GALNT5: variants seen among roughly 807,000 people sequenced by gnomAD.
GALNT5 encodes the protein polypeptide N-acetylgalactosaminyltransferase 5.
GALNT5 carries 72 observed loss-of-function variants against 85.4 expected under a neutral mutation model. The ratio of observed to expected loss-of-function variants is 0.84; its 90% CI spans 0.70 to 1.03. GALNT5 has a LOEUF of 1.03. Among genes scored for constraint, GALNT5 ranks in the 50% least tolerant of loss-of-function variants. The pLI, the probability that GALNT5 is intolerant of heterozygous loss-of-function variation, is 0.00. For synonymous variants in GALNT5, 404 were observed against 397.0 expected (o/e 1.02, Z -0.21); for missense variants, 1,137 against 1,135.5 (o/e 1.00, Z -0.02).
At chr2:157,289,507 T>C (rs1683047968) in intron 3 of GALNT5, among the ~76,000 whole-genome samples, 1 of 152,194 alleles carries the variant, frequency 6.6e-6, no homozygotes, top group Admixed American at 6.5e-5. Context: ...CTATGTTATT[T>C]ATGTTTTAGA....
In GALNT5 at chr2:157,315,701, T is replaced by C. The variant is rs1008625904; in HGVS notation, c.*4353T>C. Among the ~76,000 whole-genome samples, 3 of 152,160 alleles carry C rather than the reference T, an allele frequency of 2.0e-5. No individual in the cohort carries two copies. The highest frequency in any genetic ancestry group is 2.0e-4 in the Admixed American group (3 of 15,284). Reference sequence around the variant, plus strand: ...ATTCTTTTTCATCTCCTGGACCAAATGTGAAAGAAAGAAGTGGACATGTGG... The same window carrying C: ...ATTCTTTTTCATCTCCTGGACCAAACGTGAAAGAAAGAAGTGGACATGTGG... On this transcript the variant is annotated 3_prime_UTR_variant, in exon 10 of 10. Coordinates refer to ENST00000259056, the MANE Select transcript of GALNT5 (RefSeq NM_014568.3).
At chr2:157,272,323 A>G (rs1682607248) in intron 1 of GALNT5, among the ~76,000 whole-genome samples, 1 of 152,180 alleles carries the variant, frequency 6.6e-6, no homozygotes, top group African/African-American at 2.4e-5. Flanking sequence ...GTTTTCTCCC[A>G]AAATTGTCCA....
At chr2:157,305,669 C>A in intron 7 of GALNT5, 80 bp from the exon 8 acceptor site, 1 of 792,934 alleles carries the variant, frequency 1.3e-6, no homozygotes, top group Non-Finnish European at 2.2e-6. Context: ...GTTTTATATT[C>A]TGTATTTTCT....
In GALNT5 at chr2:157,305,741, CT is replaced by C. The variant is rs35503672; in HGVS notation, c.2440-3del. ...TTTGTAATTCCTGTTTCGTATTTTGCTTTTTAGCTTATTAATGTGGCTTTGG... is the reference window on the plus strand; with the variant it reads ...TTTGTAATTCCTGTTTCGTATTTTGCTTTTAGCTTATTAATGTGGCTTTGG... On this transcript the variant is annotated splice_region_variant and splice_polypyrimidine_tract_variant and intron_variant, in intron 7 of 9. Coordinates refer to ENST00000259056, the MANE Select transcript of GALNT5 (RefSeq NM_014568.3). 1 of 1,545,544 alleles carries C rather than the reference CT, an allele frequency of 6.5e-7. No individual in the cohort carries two copies.
chr2:157,283,960 C>G (rs1044238320), intron 1 of GALNT5, among the ~76,000 whole-genome samples: 4 of 152,194 alleles, frequency 2.6e-5, no homozygotes, highest in Non-Finnish European at 4.4e-5. Context: ...GTCTAACTAC[C>G]TGTAAACCCT....
intron 1 of GALNT5, among the ~76,000 whole-genome samples, chr2:157,268,475 C>T (rs1270979396): frequency 6.6e-6 from 1 of 152,152 alleles, no homozygotes; most frequent in Non-Finnish European, 1.5e-5. Context: ...CAGCATGAAG[C>T]TCACAAAATA....
intron 1 of GALNT5, among the ~76,000 whole-genome samples, chr2:157,284,038 A>G (rs1682912462): frequency 6.6e-6 from 1 of 152,214 alleles, no homozygotes. Context: ...GTCCTTTTAT[A>G]ACAACCACGG....
chr2:157,297,751 T>C lies in GALNT5; in HGVS notation c.1997+1238T>C, dbSNP rs534403456. Among the ~76,000 whole-genome samples the C allele has an allele frequency of 3.3e-5, 5 of 152,312 alleles. No homozygotes were observed. The South Asian group carries it at 1.0e-3, about 32-fold the overall frequency. On this transcript the variant is annotated intron_variant, in intron 5 of 9. Transcript: ENST00000259056. ...TCCCCCTTGAGATCACTGTATACCC[T>C]AAGCACAAAGCAGGCTCTCCACAGA...
chr2:157,298,555 T>C (rs767337014), intron 5 of GALNT5, among the ~76,000 whole-genome samples: 1 of 152,194 alleles, frequency 6.6e-6, no homozygotes, highest in Non-Finnish European at 1.5e-5. Flanking sequence ...AAGGAGTACT[T>C]GAAACCCAGA....
intron 1 of GALNT5, among the ~76,000 whole-genome samples, chr2:157,277,992 CAGG>C (rs1558894244): frequency 6.6e-6 from 1 of 152,150 alleles, no homozygotes; most frequent in Non-Finnish European, 1.5e-5. Context: ...GTGCTTCCTT[CAGG>C]AGCTCTTGTA....
intron 1 of GALNT5, among the ~76,000 whole-genome samples, chr2:157,268,873 G>A (rs567205091): frequency 6.6e-6 from 1 of 152,180 alleles, no homozygotes; most frequent in South Asian, 2.1e-4. Flanking sequence ...ATAATAAATA[G>A]GCATATAGAA....
chr2:157,280,927 T>C (rs372432027), intron 1 of GALNT5, among the ~76,000 whole-genome samples: 80 of 152,294 alleles, frequency 5.3e-4, no homozygotes, highest in African/African-American at 1.9e-3. Flanking sequence ...TCTTCTGCCA[T>C]GGGTAAAAGC....
At chr2:157,279,149 C>A (rs1682800795) in intron 1 of GALNT5, among the ~76,000 whole-genome samples, 1 of 152,212 alleles carries the variant, frequency 6.6e-6, no homozygotes, top group African/African-American at 2.4e-5. Flanking sequence ...CCAGTGGAGG[C>A]TGCAGAACAG....
At position 157,258,941 on chromosome 2, in the gene GALNT5, C is replaced by A. The variant is rs530452745; in HGVS notation, c.859C>A (p.Arg287Ser). 3 of 1,532,096 alleles carry A rather than the reference C, an allele frequency of 2.0e-6. No homozygotes were observed. The highest frequency in any genetic ancestry group is 1.3e-5 in the South Asian group (1 of 75,468). 94.9% of individuals were successfully genotyped at this position (1,532,096 alleles called of 1,614,324 possible). A position where few individuals can be genotyped will look rare whatever the true frequency, so the allele number is the denominator to read the frequency against. ...PFPKFTVNSN[R>S]LRKQSINETP... is the part of the protein sequence containing the mutation. ...TCCTAAGTTCACTGTCAATTCAAATCGCTTAAGGAAGCAATCTATTAATGA... is the reference window on the plus strand; with the variant it reads ...TCCTAAGTTCACTGTCAATTCAAATAGCTTAAGGAAGCAATCTATTAATGA... The change falls in exon 1 of 10, where the codon CGC becomes AGC. Residue 287 changes from arginine to serine, a missense_variant. Transcript: ENST00000259056.
intron 1 of GALNT5, among the ~76,000 whole-genome samples, chr2:157,276,651 CT>C (rs1682733545): frequency 6.6e-6 from 1 of 152,150 alleles, no homozygotes; most frequent in Non-Finnish European, 1.5e-5. Flanking sequence ...GTTTGTATTT[CT>C]GTGGGATCAG....
Position 157,284,052 on chromosome 2 carries a change from C to T in GALNT5, c.1455-230C>T, listed in dbSNP as rs573894303. 1.3e-3 allele frequency among the ~76,000 whole-genome samples: 199 copies of T among 152,188 alleles called. 1 individual carries two copies. Among genetic ancestry groups the T allele is most frequent in the South Asian group, 2.5e-3 (12 of 4,816 alleles). On this transcript the variant is annotated intron_variant, in intron 1 of 9. Coordinates refer to ENST00000259056, the MANE Select transcript of GALNT5 (RefSeq NM_014568.3). Reference sequence around the variant, plus strand: ...AGTCCTTTTATAACAACCACGGTTACGGGTAATTCTTCTGCTTTTTTATTT... The same window carrying T: ...AGTCCTTTTATAACAACCACGGTTATGGGTAATTCTTCTGCTTTTTTATTT...
intron 1 of GALNT5, among the ~76,000 whole-genome samples, chr2:157,264,922 C>T (rs943017643): frequency 1.1e-4 from 16 of 151,636 alleles, no homozygotes; most frequent in South Asian, 6.2e-4. Flanking sequence ...ATGAAATGAA[C>T]GTGATTTTGT....
In GALNT5 at chr2:157,317,165, T is replaced by C. The variant is rs1055658012; in HGVS notation, c.*5817T>C. Among the ~76,000 whole-genome samples the C allele has an allele frequency of 2.1e-5, 3 of 142,392 alleles. No homozygotes were observed. The highest frequency in any genetic ancestry group is 6.9e-5 in the Admixed American group (1 of 14,432). 93.4% of individuals were successfully genotyped at this position (142,392 alleles called of 152,430 possible). A position where few individuals can be genotyped will look rare whatever the true frequency, so the allele number is the denominator to read the frequency against. On this transcript the variant is annotated 3_prime_UTR_variant, in exon 10 of 10. Transcript: ENST00000259056. ...CATAGCAATTTTTGTAAATATACTG[T>C]ATGTGTGTGTATATATATATATATA...
rs755551867 is a variant in GALNT5 at position 157,259,084 on chromosome 2, C to T, written c.1002C>T (p.Asp334=). 6.7e-7 allele frequency: 1 copy of T among 1,482,508 alleles called. No homozygotes were observed. Among genetic ancestry groups the T allele is most frequent in the Admixed American group, 2.3e-5 (1 of 42,632 alleles). 91.8% of individuals were successfully genotyped at this position (1,482,508 alleles called of 1,614,324 possible). A position where few individuals can be genotyped will look rare whatever the true frequency, so the allele number is the denominator to read the frequency against. ...CCAAAGAGGAAGAGCAAAAGGCAGA[C>T]CCCAAAGAGGTCTCTAATTCTAAAA... ...IITKEEEQKA[D]PKEVSNSKTK... is the part of the protein sequence containing the mutation. The change falls in exon 1 of 10, where the codon GAC becomes GAT. Residue 334 remains aspartate, a synonymous_variant. Coordinates refer to ENST00000259056, the MANE Select transcript of GALNT5 (RefSeq NM_014568.3).
Sources: gnomAD v4.1 joint callset for allele counts (sites outside exome capture counted in the v4.1 genomes callset) on GRCh38, gnomAD v4.1.1 for gene constraint, MANE v1.5 for transcripts, NCBI Gene and HGNC (gene_info 2026-07-23, HGNC 2026-07-21) for gene names.